The following RANBP2 variants were observed in gnomAD, a reference collection of about 807,000 sequenced individuals.
RANBP2 encodes RAN binding protein 2.
Under a neutral mutation model 303.6 loss-of-function variants are expected in RANBP2, and 57 were observed. The ratio of observed to expected loss-of-function variants is 0.19; its 90% CI spans 0.15 to 0.23. The LOEUF (loss-of-function observed/expected upper bound fraction) is 0.23. RANBP2 is among the 10% of genes least tolerant of loss of function. The pLI is 1.00. For missense variants in RANBP2, 3,138 were observed against 3,780.8 expected (o/e 0.83, Z 4.46); for synonymous variants, 1,167 against 1,301.5 (o/e 0.90, Z 2.23).
chr2:108,892,986 A>G, the RANBP2 span, among the ~76,000 whole-genome samples: 2 of 152,322 alleles, frequency 1.3e-5, no homozygotes, highest in Middle Eastern at 3.4e-3. Context: ...TTCTAATACT[A>G]CATTGCTGTA....
intron 6 of RANBP2, among the ~76,000 whole-genome samples, chr2:108,738,012 C>G (rs977528865): frequency 1.3e-5 from 2 of 149,894 alleles, no homozygotes; most frequent in African/African-American, 4.9e-5. Context: ...CCGCGCCCAG[C>G]CCACACCTGG....
the RANBP2 span, among the ~76,000 whole-genome samples, chr2:109,401,107 C>T: frequency 2.0e-5 from 3 of 152,198 alleles, no homozygotes; most frequent in Non-Finnish European, 4.4e-5. Context: ...CTTATTCTTG[C>T]TCAAACATCC....
At chr2:109,603,961 A>G in the RANBP2 span, among the ~76,000 whole-genome samples, 2 of 151,656 alleles carry the variant, frequency 1.3e-5, no homozygotes, top group Admixed American at 6.6e-5. Context: ...GGAGATCGAG[A>G]CCATCCTGGC....
the RANBP2 span, among the ~76,000 whole-genome samples, chr2:109,078,276 A>ATATATATATATATATATATAGAGCG: frequency 1.3e-5 from 1 of 76,804 alleles, no homozygotes; most frequent in Non-Finnish European, 2.6e-5. Flanking sequence ...GCGTATATAT[A>ATATATATATATATATATATAGAGCG]TATATATATA....
chr2:108,839,824 G>GTT, the RANBP2 span, among the ~76,000 whole-genome samples: 43 of 147,078 alleles, frequency 2.9e-4, no homozygotes, highest in East Asian at 6.3e-3. Context: ...ACAGTGTTGT[G>GTT]TTTTTTTTTT....
the RANBP2 span, among the ~76,000 whole-genome samples, chr2:109,133,203 A>G: frequency 6.6e-6 from 1 of 152,242 alleles, no homozygotes; most frequent in African/African-American, 2.4e-5. Flanking sequence ...GTCACAAATT[A>G]AAGAATTCTA....
chr2:109,586,518 T>G, the RANBP2 span, among the ~76,000 whole-genome samples: 27 of 152,246 alleles, frequency 1.8e-4, no homozygotes, highest in African/African-American at 5.1e-4. Flanking sequence ...GCAGGCAGAT[T>G]GGTTGGGAAT....
At chr2:108,974,204 C>T in the RANBP2 span, among the ~76,000 whole-genome samples, 1 of 151,476 alleles carries the variant, frequency 6.6e-6, no homozygotes, top group Admixed American at 6.6e-5. Context: ...GTGGCAGGCG[C>T]CTGTAGTCCC....
chr2:109,671,947 A>G, the RANBP2 span, among the ~76,000 whole-genome samples: 1 of 150,766 alleles, frequency 6.6e-6, no homozygotes, highest in African/African-American at 2.5e-5. Context: ...CATCACCATC[A>G]TCTAGTTCCT....
chr2:109,609,394 T>C, the RANBP2 span, among the ~76,000 whole-genome samples: 16 of 151,792 alleles, frequency 1.1e-4, no homozygotes, highest in East Asian at 3.1e-3. Flanking sequence ...ACGAAAAAAA[T>C]GCAGAGTTTA....
chr2:109,485,489 G>C, the RANBP2 span, among the ~76,000 whole-genome samples: 1 of 152,200 alleles, frequency 6.6e-6, no homozygotes, highest in South Asian at 2.1e-4. Flanking sequence ...CTTTTGCCAA[G>C]TTTTTATACT....
At chr2:109,657,714 G>GTTTTTTTTTTTTT in the RANBP2 span, among the ~76,000 whole-genome samples, 1 of 82,230 alleles carries the variant, frequency 1.2e-5, no homozygotes, top group Non-Finnish European at 2.2e-5. Flanking sequence ...AATTAGCTGA[G>GTTTTTTTTTTTTT]TTTTTTTTTT....
chr2:109,120,101 A>G, the RANBP2 span, among the ~76,000 whole-genome samples: 1 of 152,242 alleles, frequency 6.6e-6, no homozygotes, highest in Non-Finnish European at 1.5e-5. Context: ...GGCTGGCTCC[A>G]AGGCCATGCA....
At chr2:109,285,938 C>T in the RANBP2 span, among the ~76,000 whole-genome samples, 1,942 of 152,302 alleles carry the variant, frequency 0.013, 15 homozygotes, top group Non-Finnish European at 0.02. Flanking sequence ...CGGTTTTCCT[C>T]TTTTCTGCCC....
At chr2:108,882,026 C>T in the RANBP2 span, among the ~76,000 whole-genome samples, 5 of 151,842 alleles carry the variant, frequency 3.3e-5, no homozygotes, top group Non-Finnish European at 4.4e-5. Context: ...TAGTGGCAGG[C>T]GCTTGTAGTC....
At chr2:109,066,941 A>T in the RANBP2 span, among the ~76,000 whole-genome samples, 159 of 152,328 alleles carry the variant, frequency 1.0e-3, no homozygotes, top group South Asian at 6.2e-3. Flanking sequence ...ATTTCCTTTC[A>T]ACACGTTGAT....
At chr2:109,732,992 C>G in the RANBP2 span, 1 of 588,752 alleles carries the variant, frequency 1.7e-6, no homozygotes. Context: ...TTGGGGTCAT[C>G]GTCCTTGAGA....
Position 108,783,735 on chromosome 2 carries a change from C to T in RANBP2, c.9509C>T (p.Ser3170Phe). 1.2e-6 allele frequency: 2 copies of T among 1,613,258 alleles called. No individual in the cohort carries two copies. The highest frequency in any genetic ancestry group is 1.7e-6 in the Non-Finnish European group (2 of 1,179,308). The change falls in exon 29 of 29, where the codon TCT becomes TTT. Residue 3170 changes from serine (S) to phenylalanine (F), a missense_variant. Physicochemically the swap from Ser to Phe is radical, Grantham distance 155 (BLOSUM62 -2). Transcript: ENST00000283195. ...MANQGQNTNN[S>F]QFVITLKKAE... ...AATCAAGGCCAGAATACCAATAATT[C>T]TCAATTTGTTATAACACTGAAGAAA... is the stretch of plus-strand genomic sequence containing the variant.
At chr2:109,177,936 G>T in the RANBP2 span, among the ~76,000 whole-genome samples, 1 of 152,164 alleles carries the variant, frequency 6.6e-6, no homozygotes, top group Non-Finnish European at 1.5e-5. Context: ...TTTCTAGCAG[G>T]AGTCTCATTT....
Sources: gnomAD v4.1 joint callset for allele counts (sites outside exome capture counted in the v4.1 genomes callset) on GRCh38, gnomAD v4.1.1 for gene constraint, MANE v1.5 for transcripts, NCBI Gene and HGNC (gene_info 2026-07-23, HGNC 2026-07-21) for gene names.